C1GALT1: variants seen among roughly 807,000 people sequenced by gnomAD.
C1GALT1 encodes the protein core 1 synthase, glycoprotein-N-acetylgalactosamine 3-beta-galactosyltransferase 1.
Under a neutral mutation model 31.0 loss-of-function variants are expected in C1GALT1, and 11 were observed. The ratio of observed to expected loss-of-function variants is 0.36; its 90% CI spans 0.22 to 0.59. C1GALT1 has a LOEUF of 0.59. Ranked by LOEUF, C1GALT1 falls within the 20% of genes least tolerant of loss-of-function variation. C1GALT1 has a pLI of 0.79. For missense variants in C1GALT1, 424 were observed against 425.2 expected, an observed-to-expected ratio of 1.00 and a Z score of 0.03; for synonymous variants, 175 against 143.6, an observed-to-expected ratio of 1.22 and a Z score of -1.56.
Position 7,238,150 on chromosome 7 carries a change from T to C in C1GALT1, c.221-105T>C. ...TTTGGCTAAATCACTAATAGAGGGA[T>C]AAATAGGGACTTTGAAATTAGGACA... On this transcript the variant is annotated intron_variant, in intron 2 of 3. Coordinates refer to ENST00000436587, the MANE Select transcript of C1GALT1 (RefSeq NM_020156.5). This position sits in a 1 kb window ranked among gnomAD's most constrained non-coding sequence, Gnocchi z 5.2. The C allele has an allele frequency of 8.9e-7, 1 of 1,119,630 alleles. No individual in the cohort carries two copies. Among genetic ancestry groups the C allele is most frequent in the Non-Finnish European group, 1.3e-6 (1 of 799,932 alleles). 69.4% of individuals were successfully genotyped at this position (1,119,630 alleles called of 1,614,324 possible). A position where few individuals can be genotyped will look rare whatever the true frequency, so the allele number is the denominator to read the frequency against.
chr7:7,161,249 A>G (rs1310061359), intron 2 of C1GALT1, among the ~76,000 whole-genome samples: 1 of 152,122 alleles, frequency 6.6e-6, no homozygotes, highest in South Asian at 2.1e-4. Context: ...TTTTGGGGAG[A>G]TCATCCAAAT....
intron 1 of C1GALT1, among the ~76,000 whole-genome samples, chr7:7,204,658 A>G (rs1368742515): frequency 1.3e-5 from 2 of 151,966 alleles, no homozygotes; most frequent in African/African-American, 4.8e-5. Flanking sequence ...TCTTGAATTG[A>G]GAACTTTCTT....
At chr7:7,208,497 G>T (rs575593396) in intron 1 of C1GALT1, among the ~76,000 whole-genome samples, 1 of 152,180 alleles carries the variant, frequency 6.6e-6, no homozygotes, top group East Asian at 1.9e-4. Context: ...CCTTGTATAT[G>T]CAGTTTCTTT....
chr7:7,197,176 T>G (rs185077877), intron 1 of C1GALT1, among the ~76,000 whole-genome samples: 1 of 152,326 alleles, frequency 6.6e-6, no homozygotes, highest in African/African-American at 2.4e-5. Context: ...TGGTTTTAGG[T>G]CTAACATTTA....
chr7:7,202,128 G>T (rs556014292), intron 1 of C1GALT1, among the ~76,000 whole-genome samples: 12 of 152,332 alleles, frequency 7.9e-5, no homozygotes, highest in South Asian at 2.1e-4. Flanking sequence ...GGGATCCCCA[G>T]TGAGGATGTG....
upstream of C1GALT1, among the ~76,000 whole-genome samples, chr7:7,181,269 G>A (rs1248373656): frequency 6.6e-6 from 1 of 152,116 alleles, no homozygotes; most frequent in African/African-American, 2.4e-5. Flanking sequence ...CGGAAAGGTG[G>A]AGGGGGAGGA....
chr7:7,200,313 T>C (rs1057347116), intron 1 of C1GALT1, among the ~76,000 whole-genome samples: 1 of 152,206 alleles, frequency 6.6e-6, no homozygotes, highest in Non-Finnish European at 1.5e-5. Flanking sequence ...TTAGTTTGGC[T>C]GGATATGAAA....
chr7:7,234,973 CAA>C (rs1317115035), intron 2 of C1GALT1: 4 of 152,788 alleles, frequency 2.6e-5, no homozygotes, highest in Non-Finnish European at 5.8e-5. Flanking sequence ...TTTTTTTCCT[CAA>C]GAGGCACAAA....
rs1783894577 is a variant in C1GALT1, at chr7:7,247,554, G to C, written c.*3827G>C. 1 of 152,048 alleles carries C rather than the reference G, an allele frequency of 6.6e-6. No individual in the cohort carries two copies. The highest frequency in any genetic ancestry group is 2.1e-4 in the South Asian group (1 of 4,834). The allele number at this position is 152,048 out of a possible 1,614,324, so 9.4% of individuals were successfully genotyped here. On this transcript the variant is annotated 3_prime_UTR_variant, in exon 4 of 4. Coordinates refer to ENST00000436587, the MANE Select transcript of C1GALT1 (RefSeq NM_020156.5). ...AACTGGTTATTTTCACAATTTTCTT[G>C]AATATTAATTTTTCACTTCTTTGAG...
At chr7:7,165,797 T>A (rs1454004595) in intron 2 of C1GALT1, among the ~76,000 whole-genome samples, 1 of 152,170 alleles carries the variant, frequency 6.6e-6, no homozygotes, top group Admixed American at 6.5e-5. Context: ...AACATGATGC[T>A]ACGAGTGGAA....
chr7:7,167,719 C>CT (rs1241968098), intron 2 of C1GALT1, among the ~76,000 whole-genome samples: 1 of 152,082 alleles, frequency 6.6e-6, no homozygotes, highest in East Asian at 1.9e-4. Context: ...TACTACAGCT[C>CT]TTTTCTTGGC....
intron 2 of C1GALT1, among the ~76,000 whole-genome samples, chr7:7,169,266 C>T (rs1780428330): frequency 2.0e-5 from 3 of 152,108 alleles, no homozygotes; most frequent in Admixed American, 1.3e-4. Context: ...GGTTGATGAA[C>T]ACTTGGGTTG....
intron 1 of C1GALT1, among the ~76,000 whole-genome samples, chr7:7,225,364 C>T (rs531983121): frequency 6.6e-6 from 1 of 152,228 alleles, no homozygotes; most frequent in Non-Finnish European, 1.5e-5. Context: ...AAGGTACTTG[C>T]TTTTTGCTTT....
intron 1 of C1GALT1, among the ~76,000 whole-genome samples, chr7:7,215,049 C>T (rs1412792774): frequency 2.0e-5 from 3 of 152,214 alleles, no homozygotes; most frequent in Non-Finnish European, 4.4e-5. Context: ...CAGGAACTGA[C>T]TTAGCACAAG....
intron 1 of C1GALT1, 42 bp from the exon 2 acceptor site, chr7:7,234,261 A>C: frequency 6.9e-7 from 1 of 1,455,072 alleles, no homozygotes; most frequent in Non-Finnish European, 9.6e-7. Context: ...TTATGTATAC[A>C]GCTTTGATTT....
chr7:7,162,511 A>C (rs1780345281), intron 2 of C1GALT1, among the ~76,000 whole-genome samples: 2 of 151,514 alleles, frequency 1.3e-5, no homozygotes, highest in Non-Finnish European at 1.5e-5. Flanking sequence ...AATCCAGTCT[A>C]TCATTGTTGG....
chr7:7,167,660 A>C (rs139939026), intron 2 of C1GALT1, among the ~76,000 whole-genome samples: 1 of 152,112 alleles, frequency 6.6e-6, no homozygotes, highest in East Asian at 1.9e-4. Flanking sequence ...CTGACATCTT[A>C]TAAGATTGTC....
At chr7:7,182,274 A>T (rs373094065), upstream of C1GALT1, among the ~76,000 whole-genome samples, 33 of 152,234 alleles carry the variant, frequency 2.2e-4, no homozygotes, top group South Asian at 6.6e-3. Context: ...CCCTATTGTT[A>T]CCCTGCTTTC....
intron 2 of C1GALT1, among the ~76,000 whole-genome samples, chr7:7,169,564 C>T (rs1780431065): frequency 1.3e-5 from 2 of 151,702 alleles, no homozygotes; most frequent in South Asian, 4.2e-4. Flanking sequence ...CTTAATCTTA[C>T]AGCTATCCTA....
Sources: gnomAD v4.1 joint callset for allele counts (sites outside exome capture counted in the v4.1 genomes callset) on GRCh38, gnomAD v4.1.1 for gene constraint, Gnocchi (gnomAD v3.1) non-coding constraint, MANE v1.5 for transcripts, NCBI Gene and HGNC (gene_info 2026-07-23, HGNC 2026-07-21) for gene names.